The following LRRC8D variants were observed in gnomAD, a reference collection of about 807,000 sequenced individuals.
The protein encoded by LRRC8D is leucine rich repeat containing 8 VRAC subunit D.
LRRC8D carries 20 observed loss-of-function variants against 55.8 expected under a neutral mutation model. The ratio of observed to expected loss-of-function variants is 0.36; its 90% confidence interval spans 0.25 to 0.52. The LOEUF is 0.52. Ranked by LOEUF, LRRC8D falls within the 20% of genes least tolerant of loss-of-function variation. LRRC8D has a pLI of 0.93. For missense variants in LRRC8D, 651 were observed against 1,030.8 expected, an observed-to-expected ratio of 0.63 and a Z score of 5.05; for synonymous variants, 352 against 377.0, an observed-to-expected ratio of 0.93 and a Z score of 0.77.
intron 2 of LRRC8D, among the ~76,000 whole-genome samples, chr1:89,915,046 G>T (rs1028662111): frequency 1.9e-4 from 29 of 149,420 alleles, no homozygotes; most frequent in African/African-American, 6.5e-4. Flanking sequence ...GTGTGTGTGT[G>T]GTGTGTGTGT....
At chr1:89,833,324 C>T (rs1660929013) in intron 1 of LRRC8D, among the ~76,000 whole-genome samples, 2 of 152,206 alleles carry the variant, frequency 1.3e-5, no homozygotes, top group Admixed American at 1.3e-4. Context: ...GAACACCGTA[C>T]TAAAACGCTG....
chr1:89,881,452 A>G (rs1319793144), intron 2 of LRRC8D, among the ~76,000 whole-genome samples: 6 of 152,218 alleles, frequency 3.9e-5, no homozygotes, highest in African/African-American at 1.2e-4. Flanking sequence ...ATTAGTGGTC[A>G]TAAGTTTAAA....
chr1:89,892,736 G>A (rs1270794933), intron 2 of LRRC8D, among the ~76,000 whole-genome samples: 1 of 152,104 alleles, frequency 6.6e-6, no homozygotes, highest in Non-Finnish European at 1.5e-5. Context: ...TAGCCAGGAT[G>A]GTCTCGATCT....
At chr1:89,863,605 A>G (rs1661772322) in intron 2 of LRRC8D, among the ~76,000 whole-genome samples, 1 of 151,972 alleles carries the variant, frequency 6.6e-6, no homozygotes, top group African/African-American at 2.4e-5. Context: ...TTTCTGTTGC[A>G]GGGTAGGCCA....
chr1:89,837,690 A>G (rs1661032353), intron 1 of LRRC8D, among the ~76,000 whole-genome samples: 1 of 152,230 alleles, frequency 6.6e-6, no homozygotes, highest in African/African-American at 2.4e-5. Flanking sequence ...GGCATTTATT[A>G]AACTAGGGTT....
At chr1:89,826,319 CA>C (rs1456183266) in intron 1 of LRRC8D, among the ~76,000 whole-genome samples, 1 of 151,982 alleles carries the variant, frequency 6.6e-6, no homozygotes, top group Non-Finnish European at 1.5e-5. Context: ...GGCTGGAGTG[CA>C]GTGGCGCGAT....
chr1:89,836,141 TTA>T (rs1661000563), intron 1 of LRRC8D, among the ~76,000 whole-genome samples: 1 of 152,190 alleles, frequency 6.6e-6, no homozygotes, highest in Non-Finnish European at 1.5e-5. Context: ...ATGCTCACTT[TTA>T]CATTTCCTAG....
intron 1 of LRRC8D, 126 bp from the exon 2 acceptor site, chr1:89,843,512 C>G (rs1050376527): frequency 5.2e-6 from 3 of 575,348 alleles, no homozygotes; most frequent in Middle Eastern, 3.4e-4. Flanking sequence ...GCGCTGGGTG[C>G]CCACCATGGC....
At chr1:89,897,210 A>G (rs1248887883) in intron 2 of LRRC8D, among the ~76,000 whole-genome samples, 1 of 152,242 alleles carries the variant, frequency 6.6e-6, no homozygotes, top group African/African-American at 2.4e-5. Context: ...CAGTGGCAAT[A>G]TACCTTCTTG....
At chr1:89,843,835 G>A (rs964456536) in intron 2 of LRRC8D, 53 bp downstream of exon 2, 3 of 616,164 alleles carry the variant, frequency 4.9e-6, no homozygotes, top group Admixed American at 2.4e-5. Flanking sequence ...TCTGCGGCAC[G>A]GAGCACTGCT....
chr1:89,877,231 TC>T (rs150654296), intron 2 of LRRC8D, among the ~76,000 whole-genome samples: 1 of 145,370 alleles, frequency 6.9e-6, no homozygotes, highest in Admixed American at 6.7e-5. Context: ...TCTCTCTCTC[TC>T]TTTTTTTTTT....
intron 2 of LRRC8D, among the ~76,000 whole-genome samples, chr1:89,922,976 C>T (rs965549772): frequency 2.0e-5 from 3 of 152,154 alleles, no homozygotes; most frequent in Non-Finnish European, 4.4e-5. Flanking sequence ...GATTTTTGAA[C>T]TGTTACTGAT....
intron 1 of LRRC8D, among the ~76,000 whole-genome samples, chr1:89,822,590 TG>T (rs745652122): frequency 6.6e-6 from 1 of 152,136 alleles, no homozygotes; most frequent in Non-Finnish European, 1.5e-5. Context: ...TACCGGACTT[TG>T]GAAGAGTCTG....
intron 2 of LRRC8D, among the ~76,000 whole-genome samples, chr1:89,860,242 G>A (rs1229376873): frequency 6.6e-6 from 1 of 152,190 alleles, no homozygotes; most frequent in East Asian, 1.9e-4. Context: ...TTTTCTGGAA[G>A]AAAGGAAAAC....
At chr1:89,917,265 A>G (rs1175997916) in intron 2 of LRRC8D, among the ~76,000 whole-genome samples, 3 of 152,172 alleles carry the variant, frequency 2.0e-5, no homozygotes, top group Non-Finnish European at 4.4e-5. Context: ...AGTTTTAACT[A>G]CCTACATATA....
At chr1:89,823,415 A>T (rs1660687877) in intron 1 of LRRC8D, among the ~76,000 whole-genome samples, 1 of 152,228 alleles carries the variant, frequency 6.6e-6, no homozygotes, top group African/African-American at 2.4e-5. Flanking sequence ...ATTTTTAAAA[A>T]TTAATTTTAG....
chr1:89,831,458 G>A (rs1037176816), intron 1 of LRRC8D, among the ~76,000 whole-genome samples: 2 of 152,044 alleles, frequency 1.3e-5, no homozygotes, highest in South Asian at 2.1e-4. Context: ...GGAGAGGACC[G>A]GTGGGACACA....
chr1:89,934,698 G>C lies in LRRC8D; in HGVS notation c.1630G>C (p.Val544Leu). 1 of 1,614,180 alleles carries C rather than the reference G, an allele frequency of 6.2e-7. No homozygotes were observed. Among genetic ancestry groups the C allele is most frequent in the Non-Finnish European group, 8.5e-7 (1 of 1,180,046 alleles). The stretch of plus-strand genomic sequence containing the variant: ...TCGCGATCACTTGAGATGCCTTCAC[G>C]TGAAGTTCACTGATGTGGCTGAAAT... ...FLRDHLRCLHVKFTDVAEIPA... is the reference protein window; with the variant it reads ...FLRDHLRCLHLKFTDVAEIPA... The change falls in exon 3 of 3, where the codon GTG becomes CTG. Residue 544 changes from valine (V) to leucine (L), a missense_variant. Transcript: ENST00000337338. The surrounding 1 kb of genome is among the most constrained non-coding windows in gnomAD (Gnocchi z 5.9).
intron 1 of LRRC8D, among the ~76,000 whole-genome samples, chr1:89,831,671 A>T (rs550218372): frequency 6.6e-6 from 1 of 152,168 alleles, no homozygotes; most frequent in Non-Finnish European, 1.5e-5. Flanking sequence ...TTATTTTGCA[A>T]TTCCTAGTGT....
Sources: allele counts gnomAD v4.1 joint callset (sites outside exome capture counted in the v4.1 genomes callset), GRCh38; gene constraint gnomAD v4.1.1; non-coding constraint Gnocchi (gnomAD v3.1); transcripts MANE v1.5; gene names NCBI Gene and HGNC (gene_info 2026-07-23, HGNC 2026-07-21).